The following SEC61A2 variants were observed in gnomAD, a reference collection of about 807,000 sequenced individuals.
SEC61A2 encodes the protein SEC61 translocon subunit alpha 2.
Under a neutral mutation model 59.9 loss-of-function variants are expected in SEC61A2, and 28 were observed. The observed-to-expected ratio is 0.47, with a 90% CI of 0.35 to 0.64. The LOEUF (loss-of-function observed/expected upper bound fraction) is 0.64, where lower values mean the gene tolerates loss of function less well. Ranked by LOEUF, SEC61A2 falls within the 30% of genes least tolerant of loss-of-function variation. The pLI is 0.01. For missense variants in SEC61A2, 340 were observed against 585.9 expected, an observed-to-expected ratio of 0.58 and a Z score of 4.33; for synonymous variants, 202 against 214.4, an observed-to-expected ratio of 0.94 and a Z score of 0.50.
chr10:12,151,017 C>T lies in SEC61A2; in HGVS notation c.462+1056C>T, dbSNP rs547788325. On this transcript the variant is annotated intron_variant, in intron 6 of 11. Transcript: ENST00000298428. ...GTGTTGAACTCCTGACCTCGTGATT[C>T]GCCCGCCTCGGCCTCCCAAAGTGCT... Among the ~76,000 whole-genome samples the T allele has an allele frequency of 1.2e-4, 18 of 151,592 alleles. No homozygotes were observed. In the South Asian group the frequency reaches 1.5e-3, roughly 12 times the overall value.
At position 12,153,684 on chromosome 10, in the gene SEC61A2, A is replaced by C; in HGVS notation, c.463-2094A>C. 1 of 1,585,470 alleles carries C rather than the reference A, an allele frequency of 6.3e-7. No individual in the cohort carries two copies. Among genetic ancestry groups the C allele is most frequent in the African/African-American group, 1.4e-5 (1 of 74,066 alleles). Reference sequence around the variant, plus strand: ...ATTCTTCTAATGTTAATATATAAAGAGGGGTGTCATGTTTGATTGTAGGTG... The same window carrying C: ...ATTCTTCTAATGTTAATATATAAAGCGGGGTGTCATGTTTGATTGTAGGTG... On this transcript the variant is annotated intron_variant, in intron 6 of 11. Coordinates refer to ENST00000298428, the MANE Select transcript of SEC61A2 (RefSeq NM_018144.4). The surrounding 1 kb of genome is among the most constrained non-coding windows in gnomAD (Gnocchi z 5.2).
intron 8 of SEC61A2, among the ~76,000 whole-genome samples, chr10:12,157,291 T>C (rs931078239): frequency 2.0e-5 from 3 of 152,196 alleles, no homozygotes; most frequent in Non-Finnish European, 2.9e-5. Flanking sequence ...AAGCAGACTC[T>C]CGACAGTTTA....
chr10:12,134,084 G>T (rs1833825466), intron 2 of SEC61A2, among the ~76,000 whole-genome samples: 1 of 152,354 alleles, frequency 6.6e-6, no homozygotes, highest in South Asian at 2.1e-4. Flanking sequence ...AAGGCTCACT[G>T]CAAGCTCCGC....
At chr10:12,167,509 AG>A, downstream of SEC61A2, 1 of 542,374 alleles carries the variant, frequency 1.8e-6, no homozygotes, top group Middle Eastern at 4.9e-4. Flanking sequence ...TTTTAGCTGG[AG>A]TTATAACAAA....
downstream of SEC61A2, chr10:12,166,152 T>C (rs2131689325): frequency 6.6e-6 from 1 of 152,406 alleles, no homozygotes; most frequent in East Asian, 1.9e-4. Flanking sequence ...AAGGAGAGGA[T>C]AAGCTTAGGT....
rs1483361435 is a variant in SEC61A2, at chr10:12,152,858, C to T, written c.462+2897C>T. Among the ~76,000 whole-genome samples the T allele has an allele frequency of 1.3e-5, 2 of 151,554 alleles. No individual in the cohort carries two copies. Among genetic ancestry groups the T allele is most frequent in the African/African-American group, 2.4e-5 (1 of 41,226 alleles). Reference sequence around the variant, plus strand: ...ATTGCACCACTGCACTCCAGCCTGGCGACAGAGCGGGACTCCGTCTCAAAA... The same window carrying T: ...ATTGCACCACTGCACTCCAGCCTGGTGACAGAGCGGGACTCCGTCTCAAAA... On this transcript the variant is annotated intron_variant, in intron 6 of 11. Transcript: ENST00000298428. This position sits in a 1 kb window ranked among gnomAD's most constrained non-coding sequence, Gnocchi z 5.5.
In SEC61A2 at chr10:12,143,387, A is replaced by C. The variant is rs1834066019; in HGVS notation, c.220+192A>C. Among the ~76,000 whole-genome samples the C allele has an allele frequency of 6.6e-6, 1 of 152,122 alleles. No homozygotes were observed. Among genetic ancestry groups the C allele is most frequent in the Non-Finnish European group, 1.5e-5 (1 of 68,024 alleles). ...GAAATCTGTTCTTGGGTTTTCATGG[A>C]CTGGAAAACCCTGATCTTCAGTGTC... On this transcript the variant is annotated intron_variant, in intron 4 of 11. Transcript: ENST00000298428. This position sits in a 1 kb window ranked among gnomAD's most constrained non-coding sequence, Gnocchi z 4.8.
chr10:12,135,815 A>G (rs11257557), intron 2 of SEC61A2, among the ~76,000 whole-genome samples: 60,861 of 152,102 alleles, frequency 0.4, 13,303 homozygotes, highest in South Asian at 0.55. Context: ...TTCATGGCTC[A>G]GAAGTATTTC....
downstream of SEC61A2, chr10:12,167,869 T>C: frequency 6.2e-7 from 1 of 1,605,516 alleles, no homozygotes; most frequent in Non-Finnish European, 8.5e-7. Context: ...CAAAACATCT[T>C]ATTCAATCAG....
chr10:12,129,697 T>C lies in SEC61A2; in HGVS notation c.-91T>C. On this transcript the variant is annotated 5_prime_UTR_variant, in exon 1 of 12. Transcript: ENST00000298428. This position sits in a 1 kb window ranked among gnomAD's most constrained non-coding sequence, Gnocchi z 5.6. ...CCTGCGCGGGGCCGGTAGGATCGCG[T>C]CGGGAGCCGGTACCGAGGCCCGAGC... 1 of 1,288,304 alleles carries C rather than the reference T, an allele frequency of 7.8e-7. No homozygotes were observed. Among genetic ancestry groups the C allele is most frequent in the Non-Finnish European group, 1.1e-6 (1 of 950,058 alleles). The allele number at this position is 1,288,304 out of a possible 1,614,324, so 79.8% of individuals were successfully genotyped here.
chr10:12,164,333 TC>T lies in SEC61A2; in HGVS notation c.1312del (p.Leu438TrpfsTer12). 1 of 1,614,138 alleles carries T rather than the reference TC, an allele frequency of 6.2e-7. No individual in the cohort carries two copies. Among genetic ancestry groups the T allele is most frequent in the Non-Finnish European group, 8.5e-7 (1 of 1,180,028 alleles). ...GGCGCCCTGTCAGTGCTGGCTGACT[TC>T]CTGGGGGCCATTGGATCTGGCACTG... The part of the protein sequence containing the change: ...CIGALSVLAD[F>X]LGAIGSGTGI... On this transcript the variant is annotated frameshift_variant, in exon 12 of 12. Coordinates refer to ENST00000298428, the MANE Select transcript of SEC61A2 (RefSeq NM_018144.4). LOFTEE classifies it high-confidence loss of function. This position sits in a 1 kb window ranked among gnomAD's most constrained non-coding sequence, Gnocchi z 7.3.
In SEC61A2 at chr10:12,162,762, A is replaced by T. The variant is rs572332246; in HGVS notation, c.1244+473A>T. On this transcript the variant is annotated intron_variant, in intron 11 of 11. Transcript: ENST00000298428. This position sits in a 1 kb window ranked among gnomAD's most constrained non-coding sequence, Gnocchi z 6.1. ...TCATAAGTTTAAACACATTTTCACC[A>T]CCCAGAAAGAAACCCTGTACCTACT... Among the ~76,000 whole-genome samples the T allele has an allele frequency of 1.3e-5, 2 of 152,212 alleles. No individual in the cohort carries two copies. The highest frequency in any genetic ancestry group is 2.9e-5 in the Non-Finnish European group (2 of 68,010).
At chr10:12,169,953 T>C (rs1834817315), downstream of SEC61A2, 1 of 620,370 alleles carries the variant, frequency 1.6e-6, no homozygotes, top group Admixed American at 2.9e-5. The surrounding 1 kb of genome is among the most constrained non-coding windows in gnomAD (Gnocchi z 4.8). Flanking sequence ...AATATTCCCA[T>C]GATGACAAGT....
chr10:12,140,546 C>T (rs746518569), intron 3 of SEC61A2, among the ~76,000 whole-genome samples: 3 of 152,174 alleles, frequency 2.0e-5, no homozygotes, highest in African/African-American at 7.2e-5. Context: ...TCCCACAGAG[C>T]GCCTAACCAT....
chr10:12,133,107 T>G, intron 1 of SEC61A2, 134 bp from the exon 2 acceptor site: 1 of 552,202 alleles, frequency 1.8e-6, no homozygotes. Flanking sequence ...GAGAACAGTA[T>G]GATGATTTAA....
rs1410705740 is a variant in SEC61A2, at chr10:12,137,892, G to C, written c.141+1722G>C. On this transcript the variant is annotated intron_variant, in intron 3 of 11. Transcript: ENST00000298428. Reference sequence around the variant, plus strand: ...ATGGTGGCGTGCACATGTAATCCCAGCTACTCGGGAGGCTGAGGCAGGAGA... The same window carrying C: ...ATGGTGGCGTGCACATGTAATCCCACCTACTCGGGAGGCTGAGGCAGGAGA... Among the ~76,000 whole-genome samples the C allele has an allele frequency of 3.4e-4, 52 of 152,106 alleles. 1 individual carries two copies. Among genetic ancestry groups the C allele is most frequent in the Non-Finnish European group, 5.9e-5 (4 of 68,028 alleles).
rs1834415906 is a variant in SEC61A2, at chr10:12,157,060, A to AT, written c.773dup (p.Gln259ProfsTer6). The AT allele has an allele frequency of 6.2e-7, 1 of 1,613,546 alleles. No individual in the cohort carries two copies. Among genetic ancestry groups the AT allele is most frequent in the Non-Finnish European group, 8.5e-7 (1 of 1,179,794 alleles). The stretch of plus-strand genomic sequence containing the variant: ...GTTTTTGTGTTTGCTGTTGTTATAT[A>AT]TTTCCAAGTAAGTATAACCTTTTCA... On this transcript the variant is annotated frameshift_variant, in exon 8 of 12. Transcript: ENST00000298428. LOFTEE classifies it high-confidence loss of function.
downstream of SEC61A2, chr10:12,166,743 C>T (rs1275526061): frequency 2.0e-6 from 1 of 508,058 alleles, no homozygotes; most frequent in Admixed American, 2.1e-5. Flanking sequence ...TGCTGGAGGC[C>T]CTAAAAGTCA....
In SEC61A2 at chr10:12,153,665, C is replaced by G; in HGVS notation, c.463-2113C>G. On this transcript the variant is annotated intron_variant, in intron 6 of 11. Coordinates refer to ENST00000298428, the MANE Select transcript of SEC61A2 (RefSeq NM_018144.4). The surrounding 1 kb of genome is among the most constrained non-coding windows in gnomAD (Gnocchi z 5.2). The stretch of plus-strand genomic sequence containing the variant: ...AATATGCGTGTTATGGCTAATTCTT[C>G]TAATGTTAATATATAAAGAGGGGTG... 1 of 1,531,748 alleles carries G rather than the reference C, an allele frequency of 6.5e-7. No individual in the cohort carries two copies. Among genetic ancestry groups the G allele is most frequent in the Non-Finnish European group, 8.9e-7 (1 of 1,128,040 alleles). 94.9% of individuals were successfully genotyped at this position (1,531,748 alleles called of 1,614,324 possible). A position where few individuals can be genotyped will look rare whatever the true frequency, so the allele number is the denominator to read the frequency against.
Sources: allele counts gnomAD v4.1 joint callset (sites outside exome capture counted in the v4.1 genomes callset), GRCh38; gene constraint gnomAD v4.1.1; non-coding constraint Gnocchi (gnomAD v3.1); transcripts MANE v1.5; gene names NCBI Gene and HGNC (gene_info 2026-07-23, HGNC 2026-07-21).